ALPK2: variants seen among roughly 807,000 people sequenced by gnomAD.
ALPK2 encodes alpha kinase 2.
ALPK2 carries 127 observed loss-of-function variants against 163.1 expected under a neutral mutation model. The observed-to-expected ratio is 0.78, with a 90% CI of 0.67 to 0.90. ALPK2 has a LOEUF of 0.90. Among genes scored for constraint, ALPK2 ranks in the 40% least tolerant of loss-of-function variants. The probability of loss-of-function intolerance (pLI) is 0.00; values close to 1 mark genes in which losing one functional copy is unlikely to be tolerated. For missense variants in ALPK2, 2,360 were observed against 2,589.6 expected, an observed-to-expected ratio of 0.91 and a Z score of 1.92; for synonymous variants, 953 against 959.1, an observed-to-expected ratio of 0.99 and a Z score of 0.12.
At chr18:58,594,080 T>C (rs2052029565) in intron 3 of ALPK2, among the ~76,000 whole-genome samples, 1 of 151,752 alleles carries the variant, frequency 6.6e-6, no homozygotes, top group Admixed American at 6.6e-5. Context: ...TAAATGGACA[T>C]GGACTCTTGT....
chr18:58,593,112 C>T (rs1411136108), intron 3 of ALPK2, among the ~76,000 whole-genome samples: 1 of 152,142 alleles, frequency 6.6e-6, no homozygotes, highest in African/African-American at 2.4e-5. Context: ...AGAGTGAACC[C>T]TCATGTAAAC....
At chr18:58,503,635 G>A (rs892661326) in intron 11 of ALPK2, among the ~76,000 whole-genome samples, 2 of 152,174 alleles carry the variant, frequency 1.3e-5, no homozygotes, top group South Asian at 4.2e-4. Flanking sequence ...GGAGTTCAAG[G>A]CTGCAGTAAG....
chr18:58,524,837 T>G (rs2144133986), intron 6 of ALPK2, among the ~76,000 whole-genome samples: 1 of 151,894 alleles, frequency 6.6e-6, no homozygotes, highest in East Asian at 1.9e-4. Context: ...TTGACTTCAT[T>G]AAGCTGCCTC....
chr18:58,621,146 C>G (rs376442007), intron 1 of ALPK2, among the ~76,000 whole-genome samples: 5 of 147,398 alleles, frequency 3.4e-5, no homozygotes, highest in African/African-American at 1.3e-4. Context: ...GAGCAAGGCC[C>G]TGTCTCAAAA....
intron 3 of ALPK2, among the ~76,000 whole-genome samples, chr18:58,597,904 T>C (rs1471783028): frequency 1.3e-5 from 2 of 152,254 alleles, no homozygotes; most frequent in Non-Finnish European, 2.9e-5. Context: ...GCACTCTCTC[T>C]CTTTCTCTCT....
intron 12 of ALPK2, among the ~76,000 whole-genome samples, chr18:58,492,257 GACAA>G (rs575692719): frequency 1.4e-3 from 208 of 151,900 alleles, no homozygotes; most frequent in African/African-American, 4.8e-3. Flanking sequence ...CAGAAACAAA[GACAA>G]AGACACGCAC....
chr18:58,619,289 G>A (rs1434850576), intron 1 of ALPK2, among the ~76,000 whole-genome samples: 1 of 149,736 alleles, frequency 6.7e-6, no homozygotes, highest in Non-Finnish European at 1.5e-5. Context: ...CTATTTCCCA[G>A]CTAATGACTT....
intron 4 of ALPK2, among the ~76,000 whole-genome samples, chr18:58,556,681 A>G (rs1017002490): frequency 6.6e-6 from 1 of 152,160 alleles, no homozygotes; most frequent in Non-Finnish European, 1.5e-5. Context: ...TTAGAAATGC[A>G]TGGTCTCAGG....
In ALPK2 at chr18:58,535,785, T is replaced by C; in HGVS notation, c.4402A>G (p.Ser1468Gly). Residue 1468 changes from serine to glycine, a missense_variant, in exon 5 of 13, where the codon AGC becomes GGC. By Grantham distance (56) the Ser-to-Gly change is moderately conservative (BLOSUM62 0). Transcript: ENST00000361673. ...QGTILSENRI[S>G]RSQEGSMKQE... ...TTCATACTGCCTTCTTGGCTTCTGC[T>C]GATTCTATTTTCACTCAGAATGGTT... 6.2e-7 allele frequency: 1 copy of C among 1,614,254 alleles called. No individual in the cohort carries two copies.
chr18:58,502,171 CACACACACAAAG>C (rs1568067718), intron 11 of ALPK2, among the ~76,000 whole-genome samples: 1 of 139,704 alleles, frequency 7.2e-6, no homozygotes, highest in African/African-American at 2.7e-5. Flanking sequence ...CACACACACA[CACACACACAAAG>C]AAAAAAAAAA....
At chr18:58,483,643 T>C (rs12455967) in intron 12 of ALPK2, among the ~76,000 whole-genome samples, 49,361 of 151,352 alleles carry the variant, frequency 0.33, 8,868 homozygotes, top group African/African-American at 0.48. Context: ...CTCCGCTTGC[T>C]GGGTTCAAGT....
chr18:58,532,285 G>A (rs2051620166), intron 5 of ALPK2, among the ~76,000 whole-genome samples: 1 of 152,212 alleles, frequency 6.6e-6, no homozygotes, highest in African/African-American at 2.4e-5. Context: ...GGGTGCCAGT[G>A]TTCCAGAAAC....
At chr18:58,593,769 T>C (rs903507245) in intron 3 of ALPK2, among the ~76,000 whole-genome samples, 2 of 151,698 alleles carry the variant, frequency 1.3e-5, no homozygotes. Flanking sequence ...TCCCAGCTAC[T>C]TGGGAGGCTG....
chr18:58,622,896 T>C (rs2052209676), intron 1 of ALPK2, among the ~76,000 whole-genome samples: 1 of 152,092 alleles, frequency 6.6e-6, no homozygotes, highest in Non-Finnish European at 1.5e-5. Context: ...GACCAAGAGG[T>C]GAAATGCTGT....
chr18:58,543,850 C>T (rs1281686603), intron 4 of ALPK2, among the ~76,000 whole-genome samples: 1 of 152,180 alleles, frequency 6.6e-6, no homozygotes, highest in Non-Finnish European at 1.5e-5. Flanking sequence ...GTCTGTGAGG[C>T]TACAGAGCCC....
At chr18:58,529,410 AC>A (rs2144138823) in intron 5 of ALPK2, among the ~76,000 whole-genome samples, 172 bp from the exon 6 acceptor site, 1 of 152,366 alleles carries the variant, frequency 6.6e-6, no homozygotes, top group East Asian at 1.9e-4. Context: ...CGGAAAATTT[AC>A]AAATCAATCT....
At chr18:58,509,631 C>T (rs2144118448) in intron 10 of ALPK2, among the ~76,000 whole-genome samples, 1 of 151,974 alleles carries the variant, frequency 6.6e-6, no homozygotes, top group East Asian at 1.9e-4. Context: ...TCCCTGATGG[C>T]CAGTGATGAT....
intron 1 of ALPK2, among the ~76,000 whole-genome samples, chr18:58,622,647 A>G (rs905496517): frequency 6.6e-6 from 1 of 152,224 alleles, no homozygotes. Context: ...GAGTTAACTG[A>G]TTAAAATCAC....
At chr18:58,571,939 G>A (rs1220533870) in intron 4 of ALPK2, among the ~76,000 whole-genome samples, 2 of 122,576 alleles carry the variant, frequency 1.6e-5, no homozygotes, top group Non-Finnish European at 3.2e-5. Flanking sequence ...TCGTGCCACT[G>A]TACTCCAGCC....
Sources: allele counts gnomAD v4.1 joint callset (sites outside exome capture counted in the v4.1 genomes callset), GRCh38; gene constraint gnomAD v4.1.1; transcripts MANE v1.5; gene names NCBI Gene and HGNC (gene_info 2026-07-23, HGNC 2026-07-21).